EVC: variants seen among roughly 807,000 people sequenced by gnomAD.
EVC encodes EvC ciliary complex subunit 1, also known as evC complex member EVC.
In EVC, 116 loss-of-function variants were observed where a neutral mutation model predicts 118.9. The ratio of observed to expected loss-of-function variants is 0.98; its 90% CI spans 0.84 to 1.14. The LOEUF (loss-of-function observed/expected upper bound fraction) is 1.14, where lower values mean the gene tolerates loss of function less well. Among genes scored for constraint, EVC ranks in the 50% most tolerant of loss-of-function variants. The pLI is 0.00. For missense variants in EVC, 1,401 were observed against 1,246.4 expected (o/e 1.12, Z -1.87); for synonymous variants, 619 against 534.7 (o/e 1.16, Z -2.18).
At position 5,755,540 on chromosome 4, in the gene EVC, G is replaced by A. The variant is rs145591000; in HGVS notation, c.1465-724G>A. Among the ~76,000 whole-genome samples, 2,610 of 152,060 alleles carry A rather than the reference G, an allele frequency of 0.017. 72 individuals are homozygous for A. The highest frequency in any genetic ancestry group is 0.058 in the African/African-American group (2,407 of 41,484). ...TTCTCTCTCATCTCACCTCCTGCCC[G>A]TAGCATCACCAAAGATCTTAGGGGG... On this transcript the variant is annotated intron_variant, in intron 10 of 20. Coordinates refer to ENST00000264956, the MANE Select transcript of EVC (RefSeq NM_153717.3). The surrounding 1 kb of genome is among the most constrained non-coding windows in gnomAD (Gnocchi z 4.1).
intron 14 of EVC, chr4:5,797,453 C>G: frequency 1.6e-6 from 1 of 606,492 alleles, no homozygotes; most frequent in Non-Finnish European, 3.0e-6. Flanking sequence ...ATTCGGAGAT[C>G]AGGGTGTGGG....
rs900210723 is a variant in EVC at position 5,783,854 on chromosome 4, A to G, written c.1776+90A>G. On this transcript the variant is annotated intron_variant, in intron 12 of 20. Coordinates refer to ENST00000264956, the MANE Select transcript of EVC (RefSeq NM_153717.3). ...AGATCTCACGTCCTGAACACCCACTAGTGCCTATTGTAGGTGCTCTACGGA... is the reference window on the plus strand; with the variant it reads ...AGATCTCACGTCCTGAACACCCACTGGTGCCTATTGTAGGTGCTCTACGGA... The G allele has an allele frequency of 5.0e-5, 61 of 1,220,888 alleles. No individual in the cohort carries two copies. In the Middle Eastern group the frequency reaches 2.1e-3, roughly 42 times the overall value. 75.6% of individuals were successfully genotyped at this position (1,220,888 alleles called of 1,614,324 possible).
In EVC at chr4:5,733,331, C is replaced by T; in HGVS notation, c.618-20C>T. 2 of 1,606,400 alleles carry T rather than the reference C, an allele frequency of 1.2e-6. No individual in the cohort carries two copies. The highest frequency in any genetic ancestry group is 1.7e-6 in the Non-Finnish European group (2 of 1,173,116). ...TCCGATACCCTGAAAGTCTTTTCCG[C>T]TTCTCATTTTATTTTGCAGTGTAGA... On this transcript the variant is annotated intron_variant, in intron 4 of 20. Coordinates refer to ENST00000264956, the MANE Select transcript of EVC (RefSeq NM_153717.3).
At chr4:5,822,427 G>GTGTGCA in the EVC span, among the ~76,000 whole-genome samples, 5 of 151,134 alleles carry the variant, frequency 3.3e-5, no homozygotes, top group African/African-American at 1.2e-4. Context: ...GTGCATATGT[G>GTGTGCA]TGTGCATGTG....
At chr4:5,804,045 A>G (rs186552506) in intron 16 of EVC, among the ~76,000 whole-genome samples, 42 of 151,608 alleles carry the variant, frequency 2.8e-4, no homozygotes, top group Middle Eastern at 3.4e-3. Flanking sequence ...TGTTCCAGCA[A>G]TTCTCCCTCA....
chr4:5,810,416 C>T lies in EVC; in HGVS notation c.2860C>T (p.Leu954Phe). Residue 954 changes from leucine to phenylalanine, a missense_variant, in exon 20 of 21, where the codon CTT (leucine) becomes TTT (phenylalanine). Transcript: ENST00000264956. ...CCTGGGGGTGCCCAACAATGAGGAC[C>T]TTGCCTCCGGGGACCAGACCTCAGG... ...GDLGVPNNED[L>F]ASGDQTSGSL... 1 of 1,613,398 alleles carries T rather than the reference C, an allele frequency of 6.2e-7. No homozygotes were observed. The highest frequency in any genetic ancestry group is 8.5e-7 in the Non-Finnish European group (1 of 1,179,842).
intron 11 of EVC, 47 bp from the exon 12 acceptor site, chr4:5,783,505 A>C (rs750225461): frequency 6.3e-7 from 1 of 1,576,622 alleles, no homozygotes; most frequent in East Asian, 2.2e-5. Context: ...GGCCCCACAC[A>C]GGGTCCTGCC....
chr4:5,787,535 G>A (rs888202634), intron 12 of EVC, among the ~76,000 whole-genome samples: 1 of 152,170 alleles, frequency 6.6e-6, no homozygotes, highest in African/African-American at 2.4e-5. Context: ...AACTGGAAAG[G>A]GCAAGAAAAT....
Position 5,804,840 on chromosome 4 carries a change from A to AG in EVC, c.2561+1dup, listed in dbSNP as rs2152375437. The AG allele has an allele frequency of 6.2e-7, 1 of 1,613,296 alleles. No individual in the cohort carries two copies. The highest frequency in any genetic ancestry group is 2.2e-5 in the East Asian group (1 of 44,846). ...TGAGACCTCCCAGGCGGTCCACCAG[A>AG]GGTGAGGTCCCAACTGAGGTCCCAC... On this transcript the variant is annotated frameshift_variant and splice_region_variant, in exon 17 of 21. Coordinates refer to ENST00000264956, the MANE Select transcript of EVC (RefSeq NM_153717.3). LOFTEE classifies it high-confidence loss of function.
At chr4:5,782,446 T>C (rs1338854463) in intron 11 of EVC, among the ~76,000 whole-genome samples, 2 of 111,630 alleles carry the variant, frequency 1.8e-5, no homozygotes, top group South Asian at 3.4e-4. Context: ...CAGGCTGGAG[T>C]GCAGTGGCGC....
chr4:5,731,330 G>C lies in EVC; in HGVS notation c.385-95G>C. Reference sequence around the variant, plus strand: ...GTCTCCTCCAGGCAGACCTTCCTGTGAGCGGCTAGCGTGAATCACTGGTAG... The same window carrying C: ...GTCTCCTCCAGGCAGACCTTCCTGTCAGCGGCTAGCGTGAATCACTGGTAG... On this transcript the variant is annotated intron_variant, in intron 3 of 20. Coordinates refer to ENST00000264956, the MANE Select transcript of EVC (RefSeq NM_153717.3). This position sits in a 1 kb window ranked among gnomAD's most constrained non-coding sequence, Gnocchi z 5.6. The C allele has an allele frequency of 9.2e-7, 1 of 1,086,756 alleles. No homozygotes were observed. The highest frequency in any genetic ancestry group is 1.4e-6 in the Non-Finnish European group (1 of 700,268). 67.3% of individuals were successfully genotyped at this position (1,086,756 alleles called of 1,614,324 possible).
Position 5,777,074 on chromosome 4 carries a change from A to G in EVC, c.1564-6478A>G, listed in dbSNP as rs189883232. On this transcript the variant is annotated intron_variant, in intron 11 of 20. Transcript: ENST00000264956. ...TTTGATCATGTTACCTTATCTCCTC[A>G]TGTGTCTGTTTATATTTTGTGTACT... Among the ~76,000 whole-genome samples, 295 of 152,104 alleles carry G rather than the reference A, an allele frequency of 1.9e-3. 4 individuals are homozygous for G. Among genetic ancestry groups the G allele is most frequent in the Admixed American group, 6.3e-3 (96 of 15,274 alleles).
At chr4:5,810,857 G>T in intron 20 of EVC, 96 bp from the exon 21 acceptor site, 2 of 1,185,248 alleles carry the variant, frequency 1.7e-6, no homozygotes, top group Non-Finnish European at 1.2e-6. Context: ...GATCACCTTT[G>T]GCTGCATTTT....
chr4:5,812,894 A>G lies in EVC; in HGVS notation c.*1857A>G, dbSNP rs1263937063. The G allele has an allele frequency of 6.6e-6, 1 of 152,228 alleles. No homozygotes were observed. Among genetic ancestry groups the G allele is most frequent in the Non-Finnish European group, 1.5e-5 (1 of 68,060 alleles). The allele number at this position is 152,228 out of a possible 1,614,324, so 9.4% of individuals were successfully genotyped here. On this transcript the variant is annotated 3_prime_UTR_variant, in exon 21 of 21. Coordinates refer to ENST00000264956, the MANE Select transcript of EVC (RefSeq NM_153717.3). Reference sequence around the variant, plus strand: ...TCAAAGGGTGCCTTGCCCTGGTCTAATCCAGGACATAGCCGTGGATACGTC... The same window carrying G: ...TCAAAGGGTGCCTTGCCCTGGTCTAGTCCAGGACATAGCCGTGGATACGTC...
chr4:5,771,643 TG>T (rs1261959115), intron 11 of EVC, among the ~76,000 whole-genome samples: 2 of 152,188 alleles, frequency 1.3e-5, no homozygotes, highest in Non-Finnish European at 2.9e-5. Context: ...CCTGATTTTC[TG>T]GGCAGTAACC....
chr4:5,820,124 C>CTGAG, the EVC span, among the ~76,000 whole-genome samples: 1 of 152,204 alleles, frequency 6.6e-6, no homozygotes, highest in African/African-American at 2.4e-5. Context: ...TGATCTCACT[C>CTGAG]TGAGTCAGTT....
At chr4:5,825,903 G>T in the EVC span, 7 of 513,220 alleles carry the variant, frequency 1.4e-5, no homozygotes, top group African/African-American at 6.6e-5. This position sits in a 1 kb window ranked among gnomAD's most constrained non-coding sequence, Gnocchi z 4.4. Context: ...ACATACAGAC[G>T]CACACACCAC....
At chr4:5,774,542 T>C (rs1433555037) in intron 11 of EVC, among the ~76,000 whole-genome samples, 1 of 152,186 alleles carries the variant, frequency 6.6e-6, no homozygotes, top group Non-Finnish European at 1.5e-5. Flanking sequence ...GGAAGCTTTG[T>C]AAAGCTCTAG....
intron 11 of EVC, among the ~76,000 whole-genome samples, chr4:5,769,116 T>A (rs1254802943): frequency 6.6e-6 from 1 of 152,066 alleles, no homozygotes; most frequent in Non-Finnish European, 1.5e-5. Context: ...ACTGAGTAAT[T>A]TATAAAGGAA....
Sources: gnomAD v4.1 joint callset for allele counts (sites outside exome capture counted in the v4.1 genomes callset) on GRCh38, gnomAD v4.1.1 for gene constraint, Gnocchi (gnomAD v3.1) non-coding constraint, MANE v1.5 for transcripts, NCBI Gene and HGNC (gene_info 2026-07-23, HGNC 2026-07-21) for gene names.